The following RINT1 variants were observed in gnomAD, a reference collection of about 807,000 sequenced individuals.
RINT1 encodes RAD50-interacting protein 1.
In RINT1, 75 loss-of-function variants were observed where a neutral mutation model predicts 97.7. That is an observed-to-expected ratio of 0.77 (90% CI 0.64 to 0.93). The LOEUF (loss-of-function observed/expected upper bound fraction) is 0.93. Among genes scored for constraint, RINT1 ranks in the 40% least tolerant of loss-of-function variants. The probability of loss-of-function intolerance (pLI) is 0.00; values close to 1 mark genes in which losing one functional copy is unlikely to be tolerated. For missense variants in RINT1, 892 were observed against 925.2 expected, an observed-to-expected ratio of 0.96 and a Z score of 0.47; for synonymous variants, 303 against 326.3, an observed-to-expected ratio of 0.93 and a Z score of 0.77.
intron 2 of RINT1, 141 bp from the exon 3 acceptor site, chr7:105,536,424 G>T: frequency 1.9e-6 from 1 of 513,380 alleles, no homozygotes; most frequent in Non-Finnish European, 3.4e-6. Context: ...CTCCCAAAGT[G>T]CTGGGATCAC....
At chr7:105,565,780 A>G in intron 14 of RINT1, 132 bp downstream of exon 14, 1 of 628,288 alleles carries the variant, frequency 1.6e-6, no homozygotes, top group East Asian at 2.7e-5. Flanking sequence ...TTGTCTATCT[A>G]CTGTATGCTT....
At chr7:105,544,782 G>A (rs536837115) in intron 4 of RINT1, among the ~76,000 whole-genome samples, 55 of 152,272 alleles carry the variant, frequency 3.6e-4, no homozygotes, top group Non-Finnish European at 7.2e-4. Flanking sequence ...GAAATATGCC[G>A]AGGGATTTAT....
intron 2 of RINT1, 99 bp downstream of exon 2, chr7:105,532,968 A>G: frequency 9.5e-7 from 1 of 1,057,426 alleles, no homozygotes; most frequent in Non-Finnish European, 1.5e-6. Context: ...TTTTAGATGC[A>G]GTACCGTTTT....
Position 105,551,593 on chromosome 7 carries a change from A to G in RINT1, c.1357A>G (p.Met453Val), listed in dbSNP as rs1184845991. The G allele has an allele frequency of 5.0e-6, 8 of 1,606,322 alleles. No individual in the cohort carries two copies. In the African/African-American group the frequency reaches 6.7e-5, roughly 13 times the overall value. Reference sequence around the variant, plus strand: ...AGTTGCTCTTCAAAAAATGGACTCAATGCTTTCCTCAGAAGCTGCCTGGGT... The same window carrying G: ...AGTTGCTCTTCAAAAAATGGACTCAGTGCTTTCCTCAGAAGCTGCCTGGGT... ...RKFALQKMDS[M>V]LSSEAAWVSQ... Residue 453 changes from methionine (M) to valine (V), a missense_variant, in exon 10 of 15, where the codon ATG (methionine) becomes GTG (valine). Physicochemically the swap from Met to Val is conservative, Grantham distance 21. Transcript: ENST00000257700.
chr7:105,537,130 T>C (rs960541570), intron 3 of RINT1, among the ~76,000 whole-genome samples: 2 of 128,434 alleles, frequency 1.6e-5, no homozygotes, highest in South Asian at 2.4e-4. Context: ...TTTCAATTTT[T>C]TTTTTTTTTT....
intron 2 of RINT1, among the ~76,000 whole-genome samples, chr7:105,534,313 C>A (rs975754723): frequency 6.6e-6 from 1 of 152,236 alleles, no homozygotes. Context: ...AGGCAATCCA[C>A]CGTCCTCGGC....
chr7:105,547,215 T>C lies in RINT1; in HGVS notation c.721T>C (p.Trp241Arg), dbSNP rs1418488085. ...DFEEILAQLH[W>R]PFIAPPQSQT... ...TGAGGAAATTTTAGCACAGCTTCAT[T>C]GGCCATTCATCGCACCCCCTCAATC... Residue 241 changes from tryptophan to arginine, a missense_variant, in exon 6 of 15, where the codon TGG (tryptophan) becomes CGG (arginine). By Grantham distance (101) the Trp-to-Arg change is moderately radical. Transcript: ENST00000257700. 6.2e-7 allele frequency: 1 copy of C among 1,614,182 alleles called. No individual in the cohort carries two copies. Among genetic ancestry groups the C allele is most frequent in the African/African-American group, 1.3e-5 (1 of 75,042 alleles).
chr7:105,548,428 A>G, intron 6 of RINT1, 126 bp from the exon 7 acceptor site: 1 of 772,034 alleles, frequency 1.3e-6, no homozygotes, highest in Middle Eastern at 3.1e-4. Flanking sequence ...TATTATTTGC[A>G]TCATAATTAA....
At chr7:105,540,995 C>T (rs1586223855) in intron 3 of RINT1, among the ~76,000 whole-genome samples, 1 of 151,966 alleles carries the variant, frequency 6.6e-6, no homozygotes, top group East Asian at 1.9e-4. Flanking sequence ...TGCCACCATG[C>T]TCAGCTAATT....
intron 4 of RINT1, among the ~76,000 whole-genome samples, 168 bp from the exon 5 acceptor site, chr7:105,546,742 G>A (rs1790681260): frequency 6.6e-6 from 1 of 152,052 alleles, no homozygotes; most frequent in South Asian, 2.1e-4. Context: ...CAGGCATGGG[G>A]GCGCATGCCT....
chr7:105,540,351 C>T (rs907033888), intron 3 of RINT1, among the ~76,000 whole-genome samples: 2 of 152,082 alleles, frequency 1.3e-5, no homozygotes, highest in Non-Finnish European at 2.9e-5. Flanking sequence ...TAACCTCCGC[C>T]TCCTGGTTTC....
rs773454248 is a variant in RINT1 at position 105,548,612 on chromosome 7, C to A, written c.898C>A (p.Pro300Thr). The part of the protein sequence containing the change: ...LPEKYSLPAS[P>T]SVILPIQVML... Reference sequence around the variant, plus strand: ...AGAAAAATACTCTCTTCCTGCCTCCCCTTCTGTCATCCTGCCCATCCAGGT... The same window carrying A: ...AGAAAAATACTCTCTTCCTGCCTCCACTTCTGTCATCCTGCCCATCCAGGT... The change falls in exon 7 of 15, where the codon CCT becomes ACT. Residue 300 changes from proline to threonine, a missense_variant. Coordinates refer to ENST00000257700, the MANE Select transcript of RINT1 (RefSeq NM_021930.6). 1.2e-6 allele frequency: 2 copies of A among 1,614,118 alleles called. No homozygotes were observed. Among genetic ancestry groups the A allele is most frequent in the East Asian group, 2.2e-5 (1 of 44,880 alleles).
intron 4 of RINT1, among the ~76,000 whole-genome samples, chr7:105,546,007 G>T (rs1330131262): frequency 1.4e-5 from 2 of 139,142 alleles, no homozygotes; most frequent in African/African-American, 5.4e-5. Flanking sequence ...GATGGGGAAG[G>T]GGGGGCGGGG....
intron 10 of RINT1, among the ~76,000 whole-genome samples, chr7:105,552,584 C>G (rs761349981): frequency 6.6e-6 from 1 of 151,558 alleles, no homozygotes; most frequent in African/African-American, 2.4e-5. Context: ...TCTTCACCTT[C>G]GTCAACCACT....
chr7:105,551,384 A>G (rs548932032), intron 9 of RINT1, among the ~76,000 whole-genome samples, 186 bp from the exon 10 acceptor site: 89 of 152,296 alleles, frequency 5.8e-4, no homozygotes, highest in Non-Finnish European at 9.0e-4. Context: ...TATTTTCAGA[A>G]TTTGGGGATG....
At chr7:105,565,795 C>T (rs1279111550) in intron 14 of RINT1, 147 bp downstream of exon 14, 3 of 587,002 alleles carry the variant, frequency 5.1e-6, no homozygotes, top group East Asian at 2.8e-5. Context: ...ATGCTTACAG[C>T]ACAATGGGGA....
At chr7:105,547,933 G>A (rs1231690996) in intron 6 of RINT1, among the ~76,000 whole-genome samples, 2 of 151,600 alleles carry the variant, frequency 1.3e-5, no homozygotes, top group African/African-American at 4.9e-5. Context: ...TTCCATGTTG[G>A]TCAGGCTGGC....
intron 11 of RINT1, 36 bp downstream of exon 11, chr7:105,555,263 C>T: frequency 6.8e-7 from 1 of 1,478,758 alleles, no homozygotes. Context: ...GTAATATATA[C>T]TAGTTCGAAC....
chr7:105,565,504 G>GTT, intron 13 of RINT1, 26 bp from the exon 14 acceptor site: 1 of 1,610,680 alleles, frequency 6.2e-7, no homozygotes, highest in Non-Finnish European at 8.5e-7. Flanking sequence ...AAAGACAACT[G>GTT]TTATATGAAT....
Sources: gnomAD v4.1 joint callset for allele counts (sites outside exome capture counted in the v4.1 genomes callset) on GRCh38, gnomAD v4.1.1 for gene constraint, MANE v1.5 for transcripts, NCBI Gene and HGNC (gene_info 2026-07-23, HGNC 2026-07-21) for gene names.